Variants in ADAM7 observed in about 807,000 individuals in gnomAD.
ADAM7 encodes the protein ADAM metallopeptidase domain 7.
A neutral mutation model predicts 102.9 loss-of-function variants in ADAM7; 97 were observed. That is an observed-to-expected ratio of 0.94 (90% confidence interval 0.80 to 1.12). The LOEUF (loss-of-function observed/expected upper bound fraction) is 1.12. Ranked by LOEUF, ADAM7 falls within the 50% of genes most tolerant of loss-of-function variation. The pLI is 0.00. For synonymous variants in ADAM7, 334 were observed against 304.4 expected (o/e 1.10, Z -1.01); for missense variants, 991 against 908.7 (o/e 1.09, Z -1.16).
rs143205224 is a variant in ADAM7 at position 24,455,668 on chromosome 8, A to T, written c.234-8214A>T. The stretch of plus-strand genomic sequence containing the variant: ...CAGTCCTCCTGCCTTGGCCTCCCAA[A>T]GTGCTAGGATTACAGGCATGCACCA... On this transcript the variant is annotated intron_variant, in intron 3 of 21. Transcript: ENST00000175238. 1.4e-4 allele frequency among the ~76,000 whole-genome samples: 22 copies of T among 152,322 alleles called. No homozygotes were observed. In the East Asian group the frequency reaches 4.1e-3, roughly 28 times the overall value.
At chr8:24,465,238 AT>A (rs1819386941) in intron 4 of ADAM7, among the ~76,000 whole-genome samples, 1 of 152,128 alleles carries the variant, frequency 6.6e-6, no homozygotes, top group South Asian at 2.1e-4. Context: ...CATAGGGAGG[AT>A]TTTAACACAT....
At chr8:24,488,656 T>G (rs998334089) in intron 11 of ADAM7, among the ~76,000 whole-genome samples, 1 of 152,152 alleles carries the variant, frequency 6.6e-6, no homozygotes, top group Non-Finnish European at 1.5e-5. Context: ...GGAAGGGAGA[T>G]AAATTTCAGG....
intron 20 of ADAM7, among the ~76,000 whole-genome samples, chr8:24,501,813 T>C (rs979428955): frequency 1.3e-5 from 2 of 151,946 alleles, no homozygotes. Flanking sequence ...AATATATTGG[T>C]TTAATAACAT....
At chr8:24,497,446 C>T (rs1585923819) in intron 16 of ADAM7, among the ~76,000 whole-genome samples, 1 of 152,138 alleles carries the variant, frequency 6.6e-6, no homozygotes, top group East Asian at 1.9e-4. Context: ...ACCATGATTA[C>T]TGGTTTATAT....
intron 3 of ADAM7, among the ~76,000 whole-genome samples, chr8:24,457,844 G>A (rs1015761168): frequency 7.0e-6 from 1 of 142,594 alleles, no homozygotes; most frequent in African/African-American, 2.7e-5. Flanking sequence ...TTAAATTTGT[G>A]TATGTGCATA....
intron 20 of ADAM7, among the ~76,000 whole-genome samples, chr8:24,505,682 C>T (rs1249896561): frequency 6.6e-6 from 1 of 152,050 alleles, no homozygotes; most frequent in Non-Finnish European, 1.5e-5. Flanking sequence ...TCTCACAGAT[C>T]CTGCTTCCAT....
At position 24,493,202 on chromosome 8, in the gene ADAM7, G is replaced by T; in HGVS notation, c.1815G>T (p.Ala605=). ...ATTCTACAGACATTGGCCTGGTGGC[G>T]TCAGGAACAAAATGTGGAGAGGGAA... The part of the protein sequence containing the change: ...YHDSTDIGLV[A]SGTKCGEGMV... Residue 605 remains alanine, a synonymous_variant, in exon 16 of 22, where the codon GCG becomes GCT. Transcript: ENST00000175238. 1 of 1,606,484 alleles carries T rather than the reference G, an allele frequency of 6.2e-7. No individual in the cohort carries two copies. Among genetic ancestry groups the T allele is most frequent in the East Asian group, 2.2e-5 (1 of 44,586 alleles).
At chr8:24,442,630 A>T (rs1309599277) in intron 2 of ADAM7, 54 bp downstream of exon 2, 1 of 1,382,412 alleles carries the variant, frequency 7.2e-7, no homozygotes, top group Non-Finnish European at 1.0e-6. Flanking sequence ...GCATGTAGAC[A>T]GTTGTCTCTA....
chr8:24,484,505 T>C (rs944318653), intron 9 of ADAM7, among the ~76,000 whole-genome samples: 2 of 152,172 alleles, frequency 1.3e-5, no homozygotes, highest in African/African-American at 4.8e-5. Context: ...CATTTAAGTG[T>C]TTTATTATAG....
chr8:24,500,772 T>A lies in ADAM7; in HGVS notation c.2003-18T>A, dbSNP rs781330946. The A allele has an allele frequency of 6.3e-7, 1 of 1,596,192 alleles. No homozygotes were observed. Reference sequence around the variant, plus strand: ...CAACTGATACCCTCGATGAAGCCCATGTTTCTTCATGTTGCAGATATCACC... The same window carrying A: ...CAACTGATACCCTCGATGAAGCCCAAGTTTCTTCATGTTGCAGATATCACC... On this transcript the variant is annotated intron_variant, in intron 18 of 21. Coordinates refer to ENST00000175238, the MANE Select transcript of ADAM7 (RefSeq NM_003817.4).
At chr8:24,448,235 C>A (rs145520525) in intron 3 of ADAM7, among the ~76,000 whole-genome samples, 39 of 152,254 alleles carry the variant, frequency 2.6e-4, no homozygotes, top group African/African-American at 7.7e-4. Flanking sequence ...GAAAAGATAA[C>A]TTGTCCAGGG....
chr8:24,459,103 G>T (rs1408011567), intron 3 of ADAM7, among the ~76,000 whole-genome samples: 1 of 151,994 alleles, frequency 6.6e-6, no homozygotes. Context: ...CAAAGTGTTT[G>T]ACAGAATTTA....
Position 24,466,866 on chromosome 8 carries a change from C to T in ADAM7, c.457C>T (p.His153Tyr). 1.9e-6 allele frequency: 3 copies of T among 1,613,922 alleles called. No homozygotes were observed. The highest frequency in any genetic ancestry group is 2.2e-5 in the East Asian group (1 of 44,858). ...EPVKYSDEGE[H>Y]LVFKYNLRVP... is the part of the protein sequence containing the mutation. Reference sequence around the variant, plus strand: ...AGTGAAATACTCAGATGAGGGAGAACATTTGGTGTTCAAATATAACCTGAG... The same window carrying T: ...AGTGAAATACTCAGATGAGGGAGAATATTTGGTGTTCAAATATAACCTGAG... Residue 153 changes from histidine to tyrosine, a missense_variant, in exon 6 of 22, where the codon CAT (histidine) becomes TAT (tyrosine). His to Tyr is a moderately conservative substitution (Grantham distance 83). Coordinates refer to ENST00000175238, the MANE Select transcript of ADAM7 (RefSeq NM_003817.4).
chr8:24,502,020 T>C (rs1820778948), intron 20 of ADAM7, among the ~76,000 whole-genome samples: 1 of 136,710 alleles, frequency 7.3e-6, no homozygotes. Flanking sequence ...CCCTCTCCAC[T>C]AAAAATATAA....
chr8:24,448,365 G>A (rs980618706), intron 3 of ADAM7, among the ~76,000 whole-genome samples: 3 of 152,058 alleles, frequency 2.0e-5, no homozygotes, highest in South Asian at 2.1e-4. Flanking sequence ...TAGCCACTGC[G>A]TAATTCTGCT....
chr8:24,487,998 C>A (rs1254243943), intron 11 of ADAM7, among the ~76,000 whole-genome samples: 3 of 152,090 alleles, frequency 2.0e-5, no homozygotes, highest in African/African-American at 7.2e-5. Flanking sequence ...ATGTTATTCC[C>A]ACCGATGTTT....
intron 3 of ADAM7, among the ~76,000 whole-genome samples, chr8:24,455,572 C>A (rs1439041844): frequency 6.6e-6 from 1 of 152,178 alleles, no homozygotes; most frequent in African/African-American, 2.4e-5. Context: ...CCACACCCAG[C>A]TAATTGTATT....
chr8:24,485,200 G>C lies in ADAM7; in HGVS notation c.876-77G>C. The C allele has an allele frequency of 3.8e-6, 5 of 1,303,464 alleles. No homozygotes were observed. The South Asian group carries it at 6.2e-5, about 16-fold the overall frequency. The allele number at this position is 1,303,464 out of a possible 1,614,324, so 80.7% of individuals were successfully genotyped here. ...CATGCAAAAGCATTGGCATTGCTGG[G>C]GTTCACTGCAATTTGATCTTTGTGT... On this transcript the variant is annotated intron_variant, in intron 9 of 21. Coordinates refer to ENST00000175238, the MANE Select transcript of ADAM7 (RefSeq NM_003817.4).
intron 1 of ADAM7, 148 bp from the exon 2 acceptor site, chr8:24,442,325 C>T: frequency 1.5e-6 from 1 of 679,508 alleles, no homozygotes; most frequent in Admixed American, 2.1e-5. Flanking sequence ...ATTTCCTTGC[C>T]AGTAAAGTGG....
Sources: gnomAD v4.1 joint callset for allele counts (sites outside exome capture counted in the v4.1 genomes callset) on GRCh38, gnomAD v4.1.1 for gene constraint, MANE v1.5 for transcripts, NCBI Gene and HGNC (gene_info 2026-07-23, HGNC 2026-07-21) for gene names.